The following CPPED1 variants were observed in gnomAD, a reference collection of about 807,000 sequenced individuals.
CPPED1 encodes the protein calcineurin like phosphoesterase domain containing 1.
In CPPED1, 28 loss-of-function variants were observed where a neutral mutation model predicts 28.0. That is an observed-to-expected ratio of 1.00 (90% CI 0.74 to 1.37). The LOEUF (loss-of-function observed/expected upper bound fraction) is 1.37. CPPED1 is among the 40% of genes most tolerant of loss of function. The pLI is 0.00. For missense variants in CPPED1, 504 were observed against 416.5 expected, an observed-to-expected ratio of 1.21 and a Z score of -1.83; for synonymous variants, 198 against 180.2, an observed-to-expected ratio of 1.10 and a Z score of -0.79.
chr16:12,722,512 C>T (rs975419152), intron 2 of CPPED1, among the ~76,000 whole-genome samples: 10 of 152,080 alleles, frequency 6.6e-5, no homozygotes, highest in Admixed American at 3.9e-4. Context: ...CCAAGGAAAG[C>T]GGATCGCTGG....
intron 3 of CPPED1, among the ~76,000 whole-genome samples, chr16:12,666,236 AC>A (rs2079825188): frequency 6.6e-6 from 1 of 152,186 alleles, no homozygotes; most frequent in African/African-American, 2.4e-5. Flanking sequence ...AAAACAGAAA[AC>A]CCAAGGTCAC....
chr16:12,712,055 A>G (rs902702749), intron 2 of CPPED1, among the ~76,000 whole-genome samples: 1 of 152,088 alleles, frequency 6.6e-6, no homozygotes, highest in African/African-American at 2.4e-5. Context: ...AAGAACACAC[A>G]TGTCTGCATG....
At chr16:12,693,575 A>G (rs137932841) in intron 3 of CPPED1, among the ~76,000 whole-genome samples, 1 of 152,356 alleles carries the variant, frequency 6.6e-6, no homozygotes, top group Non-Finnish European at 1.5e-5. Flanking sequence ...CAATGAAATC[A>G]AAGCATTTTT....
chr16:12,704,275 C>A (rs1193103832), intron 3 of CPPED1, among the ~76,000 whole-genome samples: 1 of 152,172 alleles, frequency 6.6e-6, no homozygotes, highest in Non-Finnish European at 1.5e-5. Flanking sequence ...CCAATAAACC[C>A]CTCCTGCCAC....
intron 2 of CPPED1, among the ~76,000 whole-genome samples, chr16:12,758,161 C>T (rs557555714): frequency 6.6e-6 from 1 of 152,202 alleles, no homozygotes; most frequent in Admixed American, 6.5e-5. Flanking sequence ...GGAAAACAGC[C>T]ATGACATCAC....
Position 12,735,091 on chromosome 16 carries a change from G to T in CPPED1, c.290-30042C>A, listed in dbSNP as rs112919048. ...CACCAGCAGCAGAGAGCTAGGGAAG[G>T]CTTGTGTTGCCACTGTCCCAAGTGC... On this transcript the variant is annotated intron_variant, in intron 2 of 3. Transcript: ENST00000381774. Among the ~76,000 whole-genome samples the T allele has an allele frequency of 6.7e-3, 1,022 of 152,290 alleles. 6 individuals carry two copies. The highest frequency in any genetic ancestry group is 0.034 in the Middle Eastern group (10 of 294).
At chr16:12,738,408 C>T (rs1283489580) in intron 2 of CPPED1, among the ~76,000 whole-genome samples, 4 of 151,814 alleles carry the variant, frequency 2.6e-5, no homozygotes, top group Non-Finnish European at 5.9e-5. Context: ...GATTGCATAT[C>T]TATTACTTTT....
chr16:12,791,730 G>A (rs1306252979), intron 1 of CPPED1, among the ~76,000 whole-genome samples: 1 of 152,154 alleles, frequency 6.6e-6, no homozygotes, highest in Non-Finnish European at 1.5e-5. Context: ...CCCTTAACCA[G>A]ATCATCAAAT....
At chr16:12,672,544 T>C (rs2079857804) in intron 3 of CPPED1, among the ~76,000 whole-genome samples, 2 of 152,246 alleles carry the variant, frequency 1.3e-5, no homozygotes, top group African/African-American at 2.4e-5. Context: ...AAATAACGTA[T>C]GCCTTAGAAG....
intron 3 of CPPED1, among the ~76,000 whole-genome samples, chr16:12,690,764 A>G (rs1269368210): frequency 6.6e-6 from 1 of 152,134 alleles, no homozygotes; most frequent in Non-Finnish European, 1.5e-5. Flanking sequence ...GCTTACTATG[A>G]AAGAAAAATT....
rs374535645 is a variant in CPPED1, at chr16:12,710,857, G to T, written c.290-5808C>A. Among the ~76,000 whole-genome samples the T allele has an allele frequency of 5.9e-5, 9 of 152,296 alleles. No individual in the cohort carries two copies. In the South Asian group the frequency reaches 1.2e-3, roughly 21 times the overall value. ...AAATAACAGGTATTGGTGAGGATGTGGAGAAAATGGAAACCTGGTGCATTG... is the reference window on the plus strand; with the variant it reads ...AAATAACAGGTATTGGTGAGGATGTTGAGAAAATGGAAACCTGGTGCATTG... On this transcript the variant is annotated intron_variant, in intron 2 of 3. Coordinates refer to ENST00000381774, the MANE Select transcript of CPPED1 (RefSeq NM_018340.3).
Position 12,679,761 on chromosome 16 carries a change from G to A in CPPED1, c.716-14646C>T, listed in dbSNP as rs183676759. ...ACCCCAAAACATGGCACTTTGACAC[G>A]CTAAACTAAAGCAGCAGCCTCAAGG... On this transcript the variant is annotated intron_variant, in intron 3 of 3. Transcript: ENST00000381774. 1.0e-3 allele frequency among the ~76,000 whole-genome samples: 152 copies of A among 152,242 alleles called. 2 individuals carry two copies. The highest frequency in any genetic ancestry group is 4.4e-4 in the Non-Finnish European group (30 of 68,012).
chr16:12,779,421 CT>C (rs1220307867), intron 2 of CPPED1, among the ~76,000 whole-genome samples: 1 of 151,706 alleles, frequency 6.6e-6, no homozygotes, highest in Non-Finnish European at 1.5e-5. Context: ...AAGCTTCCCG[CT>C]CTATCACCCA....
chr16:12,787,544 A>T (rs2080571553), intron 1 of CPPED1, among the ~76,000 whole-genome samples: 1 of 151,162 alleles, frequency 6.6e-6, no homozygotes, highest in East Asian at 2.0e-4. Context: ...AGCTGGGATT[A>T]TACAGGCATG....
intron 3 of CPPED1, among the ~76,000 whole-genome samples, chr16:12,693,185 C>G (rs1236764370): frequency 6.6e-6 from 1 of 152,184 alleles, no homozygotes; most frequent in Non-Finnish European, 1.5e-5. Flanking sequence ...CAATGTCTGG[C>G]ACCCAGGAGG....
intron 2 of CPPED1, among the ~76,000 whole-genome samples, chr16:12,717,419 G>A (rs867534289): frequency 8.6e-5 from 13 of 152,042 alleles, no homozygotes; most frequent in African/African-American, 2.2e-4. Context: ...GCCCGCCACT[G>A]CGCCTGGCTA....
At chr16:12,763,729 C>G (rs550090613) in intron 2 of CPPED1, among the ~76,000 whole-genome samples, 6 of 152,320 alleles carry the variant, frequency 3.9e-5, no homozygotes, top group African/African-American at 1.2e-4. Context: ...TCTGACATCA[C>G]AGGCCAGTTC....
intron 2 of CPPED1, among the ~76,000 whole-genome samples, chr16:12,772,101 C>T (rs1163356195): frequency 6.6e-6 from 1 of 151,846 alleles, no homozygotes; most frequent in Non-Finnish European, 1.5e-5. Flanking sequence ...CCAGCCTGGG[C>T]AACAGAACAA....
intron 2 of CPPED1, among the ~76,000 whole-genome samples, chr16:12,780,617 A>G (rs1365021028): frequency 6.6e-6 from 1 of 152,122 alleles, no homozygotes; most frequent in Non-Finnish European, 1.5e-5. Context: ...AGAAAGGCAG[A>G]TCAGAGTGAT....
Sources: gnomAD v4.1 joint callset for allele counts (sites outside exome capture counted in the v4.1 genomes callset) on GRCh38, gnomAD v4.1.1 for gene constraint, MANE v1.5 for transcripts, NCBI Gene and HGNC (gene_info 2026-07-23, HGNC 2026-07-21) for gene names.